Variants in SGCZ observed in about 807,000 individuals in gnomAD.
SGCZ encodes the protein zeta-sarcoglycan.
SGCZ carries 40 observed loss-of-function variants against 41.3 expected under a neutral mutation model. The ratio of observed to expected loss-of-function variants is 0.97; its 90% CI spans 0.75 to 1.26. SGCZ has a LOEUF of 1.26. SGCZ is among the 50% of genes most tolerant of loss of function. SGCZ has a pLI of 0.00. For missense variants in SGCZ, 552 were observed against 369.8 expected, an observed-to-expected ratio of 1.49 and a Z score of -4.04; for synonymous variants, 206 against 137.5, an observed-to-expected ratio of 1.50 and a Z score of -3.49.
chr8:14,941,204 C>T (rs1021628760), intron 1 of SGCZ, among the ~76,000 whole-genome samples: 2 of 152,032 alleles, frequency 1.3e-5, no homozygotes, highest in African/African-American at 2.4e-5. Context: ...TAACTTTCTA[C>T]ATTTTGAAAA....
At chr8:14,512,913 G>T (rs1285225104) in intron 2 of SGCZ, among the ~76,000 whole-genome samples, 2 of 151,990 alleles carry the variant, frequency 1.3e-5, no homozygotes, top group Non-Finnish European at 2.9e-5. Flanking sequence ...TACCTCCCCT[G>T]GGGACTCTGA....
At chr8:14,492,633 T>G (rs1801873903) in intron 2 of SGCZ, among the ~76,000 whole-genome samples, 1 of 152,188 alleles carries the variant, frequency 6.6e-6, no homozygotes, top group African/African-American at 2.4e-5. Flanking sequence ...TAACTTTTCT[T>G]GAGTCTAGTA....
intron 1 of SGCZ, among the ~76,000 whole-genome samples, chr8:14,614,682 A>G (rs1199734636): frequency 1.3e-5 from 2 of 152,176 alleles, no homozygotes; most frequent in African/African-American, 2.4e-5. Context: ...ATTTTTTAAA[A>G]GAAGATGACT....
At chr8:14,314,096 A>G (rs895459083) in intron 3 of SGCZ, among the ~76,000 whole-genome samples, 1 of 152,130 alleles carries the variant, frequency 6.6e-6, no homozygotes, top group Non-Finnish European at 1.5e-5. Context: ...GTGACATACA[A>G]TGGTGTAATC....
chr8:14,756,843 C>G (rs1799684768), intron 1 of SGCZ, among the ~76,000 whole-genome samples: 1 of 152,078 alleles, frequency 6.6e-6, no homozygotes, highest in Non-Finnish European at 1.5e-5. Flanking sequence ...TGAAATCTCA[C>G]AAGTTATGAA....
At chr8:14,318,965 G>A (rs140017716) in intron 3 of SGCZ, among the ~76,000 whole-genome samples, 44 of 151,664 alleles carry the variant, frequency 2.9e-4, no homozygotes, top group East Asian at 1.2e-3. Flanking sequence ...ATTAGAGAGC[G>A]TAAGGGCAAA....
At chr8:14,534,068 C>T (rs1309480513) in intron 2 of SGCZ, among the ~76,000 whole-genome samples, 1 of 151,994 alleles carries the variant, frequency 6.6e-6, no homozygotes, top group African/African-American at 2.4e-5. Flanking sequence ...AGGATGTAGT[C>T]AGACAAATGT....
At chr8:15,148,081 C>G (rs918490577) in intron 1 of SGCZ, among the ~76,000 whole-genome samples, 1 of 152,042 alleles carries the variant, frequency 6.6e-6, no homozygotes, top group Non-Finnish European at 1.5e-5. Flanking sequence ...TCTCCTACAC[C>G]AAAAGCAAGA....
At chr8:14,312,174 G>C (rs1190961315) in intron 3 of SGCZ, among the ~76,000 whole-genome samples, 2 of 152,064 alleles carry the variant, frequency 1.3e-5, no homozygotes, top group Admixed American at 6.6e-5. Flanking sequence ...AATTAGAATA[G>C]ATGCACTTGG....
intron 2 of SGCZ, among the ~76,000 whole-genome samples, chr8:14,378,804 C>G (rs1222376406): frequency 2.6e-5 from 4 of 152,056 alleles, no homozygotes; most frequent in African/African-American, 9.7e-5. Flanking sequence ...GCTTGTGTCC[C>G]AGAATTGGTT....
intron 1 of SGCZ, among the ~76,000 whole-genome samples, chr8:15,212,893 G>A (rs1005942767): frequency 1.7e-4 from 26 of 151,952 alleles, no homozygotes; most frequent in Admixed American, 3.3e-4. Context: ...CTATCTTTGG[G>A]GTAATGAATA....
chr8:14,648,831 C>A (rs117908794), intron 1 of SGCZ, among the ~76,000 whole-genome samples: 2 of 151,980 alleles, frequency 1.3e-5, no homozygotes, highest in Admixed American at 1.3e-4. Flanking sequence ...ATATTTCTGC[C>A]TTGTAGTGAC....
intron 1 of SGCZ, among the ~76,000 whole-genome samples, chr8:14,868,348 A>T (rs1322786473): frequency 6.6e-6 from 1 of 152,118 alleles, no homozygotes; most frequent in African/African-American, 2.4e-5. Flanking sequence ...ACACTTTGCA[A>T]ATCTTTCTTT....
chr8:14,502,838 T>C (rs1802194531), intron 2 of SGCZ, among the ~76,000 whole-genome samples: 1 of 152,168 alleles, frequency 6.6e-6, no homozygotes, highest in African/African-American at 2.4e-5. Flanking sequence ...AGGAACACTT[T>C]ATACTGTTGG....
At chr8:14,509,450 G>C (rs1802405478) in intron 2 of SGCZ, among the ~76,000 whole-genome samples, 1 of 152,030 alleles carries the variant, frequency 6.6e-6, no homozygotes, top group Non-Finnish European at 1.5e-5. Flanking sequence ...TCTTACTTTT[G>C]CTTCCAGAAA....
intron 1 of SGCZ, among the ~76,000 whole-genome samples, chr8:14,737,361 C>A (rs1308808052): frequency 6.6e-6 from 1 of 151,916 alleles, no homozygotes; most frequent in Non-Finnish European, 1.5e-5. Context: ...CAATTGGAAG[C>A]AAGCTAATGT....
At chr8:14,761,532 TTTATTTA>T (rs1408408810) in intron 1 of SGCZ, among the ~76,000 whole-genome samples, 2 of 139,180 alleles carry the variant, frequency 1.4e-5, no homozygotes, top group African/African-American at 5.6e-5. Context: ...TATTTATTTA[TTTATTTA>T]TTTTTTTTTT....
chr8:14,102,385 T>C lies in SGCZ; in HGVS notation c.735A>G (p.Thr245=), dbSNP rs865951004. 6.6e-7 allele frequency: 1 copy of C among 1,509,074 alleles called. No individual in the cohort carries two copies. The allele number at this position is 1,509,074 out of a possible 1,614,324, so 93.5% of individuals were successfully genotyped here. Residue 245 remains threonine, a synonymous_variant, in exon 7 of 8, where the codon ACA becomes ACG. Transcript: ENST00000382080. ...ACTTTCTGGGACTCACCTCCCCTTC[T>C]GTAGATTGCAGATGGAGCTCCTTCC... The part of the protein sequence containing the change: ...TCRKELHLQS[T]EGEIFLNAET...
chr8:14,609,936 A>C (rs1585122763), intron 1 of SGCZ, among the ~76,000 whole-genome samples: 1 of 152,248 alleles, frequency 6.6e-6, no homozygotes, highest in South Asian at 2.1e-4. Context: ...GAGTCAGTAA[A>C]TAAGCTCAAA....
Sources: allele counts gnomAD v4.1 joint callset (sites outside exome capture counted in the v4.1 genomes callset), GRCh38; gene constraint gnomAD v4.1.1; transcripts MANE v1.5; gene names NCBI Gene and HGNC (gene_info 2026-07-23, HGNC 2026-07-21).